ZNF423: variants seen among roughly 807,000 people sequenced by gnomAD.
The protein encoded by ZNF423 is Ebf-associated zinc finger protein.
Under a neutral mutation model 95.8 loss-of-function variants are expected in ZNF423, and 12 were observed. The observed-to-expected ratio is 0.13, with a 90% CI of 0.08 to 0.20. The LOEUF (loss-of-function observed/expected upper bound fraction) is 0.20, where lower values mean the gene tolerates loss of function less well. Among genes scored for constraint, ZNF423 ranks in the 10% least tolerant of loss-of-function variants. ZNF423 has a pLI of 1.00. For synonymous variants in ZNF423, 749 were observed against 711.9 expected (o/e 1.05, Z -0.83); for missense variants, 1,316 against 1,737.1 (o/e 0.76, Z 4.31).
At chr16:49,622,951 C>T (rs1233575338) in intron 5 of ZNF423, among the ~76,000 whole-genome samples, 1 of 152,138 alleles carries the variant, frequency 6.6e-6, no homozygotes, top group African/African-American at 2.4e-5. Context: ...GTCCCCTGTA[C>T]TCCCGTCACC....
At chr16:49,495,244 C>T (rs1270643713) in intron 7 of ZNF423, among the ~76,000 whole-genome samples, 1 of 152,194 alleles carries the variant, frequency 6.6e-6, no homozygotes, top group Admixed American at 6.5e-5. Flanking sequence ...AGCTCGTGTG[C>T]TCTCCTGGAT....
rs773225450 is a variant in ZNF423, at chr16:49,490,235, A to C, written c.*1040T>G. ...CCCACTTGCCTGCCTGTATCCAACA[A>C]AGGGGAAAGCCAACCCTGAAGGGAA... is the stretch of plus-strand genomic sequence containing the variant. On this transcript the variant is annotated 3_prime_UTR_variant, in exon 8 of 8. Coordinates refer to ENST00000563137, the MANE Select transcript of ZNF423 (RefSeq NM_001379286.1). 3 of 152,250 alleles carry C rather than the reference A, an allele frequency of 2.0e-5. No homozygotes were observed. The highest frequency in any genetic ancestry group is 4.4e-5 in the Non-Finnish European group (3 of 68,062). The allele number at this position is 152,250 out of a possible 1,614,324, so 9.4% of individuals were successfully genotyped here. A position where few individuals can be genotyped will look rare whatever the true frequency, so the allele number is the denominator to read the frequency against.
chr16:49,672,239 C>T (rs1390889618), intron 3 of ZNF423, among the ~76,000 whole-genome samples: 2 of 151,514 alleles, frequency 1.3e-5, no homozygotes, highest in African/African-American at 2.4e-5. Context: ...AAATACATTA[C>T]AGAAAAAAAA....
chr16:49,841,394 C>T (rs1205851084), intron 1 of ZNF423, among the ~76,000 whole-genome samples: 1 of 152,176 alleles, frequency 6.6e-6, no homozygotes, highest in Non-Finnish European at 1.5e-5. Flanking sequence ...GCTGAGGGTT[C>T]TCCAAGCTCC....
At chr16:49,830,838 T>C (rs2035053264) in intron 1 of ZNF423, among the ~76,000 whole-genome samples, 2 of 152,138 alleles carry the variant, frequency 1.3e-5, no homozygotes, top group South Asian at 4.1e-4. Flanking sequence ...TCCACACTTC[T>C]CATCCTAGGA....
At chr16:49,612,557 T>C (rs1971761877) in intron 5 of ZNF423, among the ~76,000 whole-genome samples, 1 of 151,998 alleles carries the variant, frequency 6.6e-6, no homozygotes, top group Non-Finnish European at 1.5e-5. Context: ...AAAGAAAACC[T>C]ATAGCTGTTA....
chr16:49,858,387 C>T (rs952625326), upstream of ZNF423, among the ~76,000 whole-genome samples: 1 of 151,964 alleles, frequency 6.6e-6, no homozygotes, highest in Non-Finnish European at 1.5e-5. The surrounding 1 kb of genome is among the most constrained non-coding windows in gnomAD (Gnocchi z 4.3). Flanking sequence ...AGGTAGATGC[C>T]ACCCACGCAC....
At chr16:49,851,928 C>T (rs1162330175) in intron 1 of ZNF423, among the ~76,000 whole-genome samples, 3 of 152,098 alleles carry the variant, frequency 2.0e-5, no homozygotes, top group African/African-American at 4.8e-5. Flanking sequence ...GTTAGCTACC[C>T]CACTCCACAT....
At chr16:49,829,868 G>A (rs1344661888) in intron 1 of ZNF423, among the ~76,000 whole-genome samples, 1 of 152,120 alleles carries the variant, frequency 6.6e-6, no homozygotes, top group Non-Finnish European at 1.5e-5. Flanking sequence ...GGGACAAGCG[G>A]CTCCTTCATT....
intron 1 of ZNF423, among the ~76,000 whole-genome samples, chr16:49,833,510 A>G (rs1463846855): frequency 1.3e-5 from 2 of 152,198 alleles, no homozygotes; most frequent in Admixed American, 6.5e-5. Context: ...CGCTAAGAAA[A>G]TGTTTAATCA....
chr16:49,577,913 T>C (rs1970549751), intron 5 of ZNF423, among the ~76,000 whole-genome samples: 1 of 152,210 alleles, frequency 6.6e-6, no homozygotes, highest in Non-Finnish European at 1.5e-5. Context: ...TCTGAAACTC[T>C]GCACTCACAT....
chr16:49,802,355 C>G (rs2034595808), intron 1 of ZNF423, among the ~76,000 whole-genome samples: 1 of 152,260 alleles, frequency 6.6e-6, no homozygotes, highest in South Asian at 2.1e-4. Flanking sequence ...TCTTGGGTCT[C>G]CCTAAGCACT....
At chr16:49,569,927 G>T (rs1970304736) in intron 5 of ZNF423, among the ~76,000 whole-genome samples, 4 of 152,194 alleles carry the variant, frequency 2.6e-5, no homozygotes, top group Admixed American at 2.6e-4. Flanking sequence ...AATTGATGTG[G>T]CAGGGGCGTA....
At chr16:49,716,826 G>A (rs779974141) in intron 3 of ZNF423, among the ~76,000 whole-genome samples, 3 of 152,054 alleles carry the variant, frequency 2.0e-5, no homozygotes, top group African/African-American at 2.4e-5. Context: ...TCCGCATTAC[G>A]GGATGATCTG....
rs139366274 is a variant in ZNF423, at chr16:49,627,126, T to C, written c.3517-872A>G. On this transcript the variant is annotated intron_variant, in intron 4 of 7. Transcript: ENST00000563137. Reference sequence around the variant, plus strand: ...ACCCATCCTCCATCTACCCATCCATTCATCTACATACACACCCACCTATCC... The same window carrying C: ...ACCCATCCTCCATCTACCCATCCATCCATCTACATACACACCCACCTATCC... 1.5e-3 allele frequency among the ~76,000 whole-genome samples: 176 copies of C among 119,718 alleles called. No individual in the cohort carries two copies. In the South Asian group the frequency reaches 0.021, roughly 14 times the overall value. 78.5% of individuals were successfully genotyped at this position (119,718 alleles called of 152,430 possible).
chr16:49,552,541 A>G (rs1597092370), intron 5 of ZNF423, among the ~76,000 whole-genome samples: 2 of 152,306 alleles, frequency 1.3e-5, no homozygotes, highest in South Asian at 4.2e-4. Context: ...ATTAAGAATG[A>G]CAATGCATTA....
intron 5 of ZNF423, among the ~76,000 whole-genome samples, chr16:49,551,541 A>T (rs1969634212): frequency 6.6e-6 from 1 of 152,216 alleles, no homozygotes; most frequent in Non-Finnish European, 1.5e-5. Flanking sequence ...GGAGGTCCCG[A>T]GGCCAAACTA....
In ZNF423 at chr16:49,487,864, T is replaced by A. The variant is rs993069651; in HGVS notation, c.*3411A>T. The A allele has an allele frequency of 6.6e-6, 1 of 152,278 alleles. No homozygotes were observed. The highest frequency in any genetic ancestry group is 1.5e-5 in the Non-Finnish European group (1 of 68,058). 9.4% of individuals were successfully genotyped at this position (152,278 alleles called of 1,614,324 possible). A position where few individuals can be genotyped will look rare whatever the true frequency, so the allele number is the denominator to read the frequency against. ...CTCAAGCCCCTGCCTCAGCAAGGCCTTCCTTAATGCACCCCTGTGTCTCAT... is the reference window on the plus strand; with the variant it reads ...CTCAAGCCCCTGCCTCAGCAAGGCCATCCTTAATGCACCCCTGTGTCTCAT... On this transcript the variant is annotated 3_prime_UTR_variant, in exon 8 of 8. Transcript: ENST00000563137.
At chr16:49,591,901 T>C (rs558813638) in intron 5 of ZNF423, among the ~76,000 whole-genome samples, 1 of 152,326 alleles carries the variant, frequency 6.6e-6, no homozygotes, top group Admixed American at 6.5e-5. Flanking sequence ...CTCTGGGGGC[T>C]GGGACAGGAA....
Sources: gnomAD v4.1 joint callset for allele counts (sites outside exome capture counted in the v4.1 genomes callset) on GRCh38, gnomAD v4.1.1 for gene constraint, Gnocchi (gnomAD v3.1) non-coding constraint, MANE v1.5 for transcripts, NCBI Gene and HGNC (gene_info 2026-07-23, HGNC 2026-07-21) for gene names.